Variants in HSPH1 observed in about 807,000 individuals in gnomAD.
The protein encoded by HSPH1 is heat shock protein family H (Hsp110) member 1.
Under a neutral mutation model 100.0 loss-of-function variants are expected in HSPH1, and 40 were observed. That is an observed-to-expected ratio of 0.40 (90% CI 0.31 to 0.52). The LOEUF (loss-of-function observed/expected upper bound fraction) is 0.52. HSPH1 is among the 20% of genes least tolerant of loss of function. The pLI, the probability that HSPH1 is intolerant of heterozygous loss-of-function variation, is 0.54. For missense variants in HSPH1, 876 were observed against 1,015.1 expected (o/e 0.86, Z 1.86); for synonymous variants, 403 against 344.0 (o/e 1.17, Z -1.90).
chr13:31,150,619 T>C (rs1181581807), intron 7 of HSPH1, among the ~76,000 whole-genome samples: 1 of 152,190 alleles, frequency 6.6e-6, no homozygotes, highest in Non-Finnish European at 1.5e-5. Flanking sequence ...TCCATTACTT[T>C]CAATGGTTAT....
chr13:31,141,514 T>C (rs141598963), intron 12 of HSPH1, among the ~76,000 whole-genome samples: 258 of 152,180 alleles, frequency 1.7e-3, no homozygotes, highest in Non-Finnish European at 2.7e-3. Context: ...CTGCTAAAGC[T>C]TTTCTTCGCA....
chr13:31,150,999 G>A lies in HSPH1; in HGVS notation c.856C>T (p.Leu286=), dbSNP rs748195237. The change falls in exon 7 of 18, where the codon CTG becomes TTG. Residue 286 remains leucine, a synonymous_variant. Transcript: ENST00000320027. ...TCATTCATAAAGCATTCGATATTCA[G>A]TGGAAGGTCTGTGCTGTTAGAGCTC... ...LMSSNSTDLP[L]NIECFMNDKD... is the part of the protein sequence containing the mutation. The A allele has an allele frequency of 1.9e-6, 3 of 1,613,602 alleles. No homozygotes were observed. The South Asian group carries it at 3.3e-5, about 18-fold the overall frequency.
intron 17 of HSPH1, among the ~76,000 whole-genome samples, chr13:31,137,784 T>G (rs1366590936): frequency 1.3e-5 from 2 of 152,158 alleles, no homozygotes; most frequent in Non-Finnish European, 1.5e-5. Context: ...AAGACAGAAA[T>G]TATAATCTCC....
chr13:31,139,709 T>C (rs1273012827), intron 14 of HSPH1, among the ~76,000 whole-genome samples: 1 of 152,074 alleles, frequency 6.6e-6, no homozygotes, highest in African/African-American at 2.4e-5. Context: ...CCAAGTCCTA[T>C]CTTTCACAGT....
intron 6 of HSPH1, chr13:31,151,393 A>T (rs1380215411): frequency 1.5e-6 from 1 of 680,154 alleles, no homozygotes; most frequent in Non-Finnish European, 2.4e-6. Context: ...AACTGTAAAA[A>T]GCCTTTTCTT....
At chr13:31,139,553 A>ATC (rs1291649482) in intron 14 of HSPH1, among the ~76,000 whole-genome samples, 1 of 152,108 alleles carries the variant, frequency 6.6e-6, no homozygotes, top group African/African-American at 2.4e-5. Context: ...TAAGAAACTC[A>ATC]GAGAATGTCA....
intron 1 of HSPH1, among the ~76,000 whole-genome samples, chr13:31,161,089 G>A (rs1956887123): frequency 6.6e-6 from 1 of 152,232 alleles, no homozygotes; most frequent in Non-Finnish European, 1.5e-5. Context: ...GAGGCCGGGT[G>A]GGGATACGGG....
chr13:31,160,680 T>G (rs1218905156), intron 1 of HSPH1, among the ~76,000 whole-genome samples: 4 of 152,222 alleles, frequency 2.6e-5, no homozygotes, highest in African/African-American at 9.6e-5. Flanking sequence ...CATCCTCTTT[T>G]GGCGTCCTAG....
At chr13:31,155,711 A>T in intron 2 of HSPH1, 57 bp from the exon 3 acceptor site, 1 of 1,398,690 alleles carries the variant, frequency 7.1e-7, no homozygotes, top group East Asian at 2.3e-5. Flanking sequence ...ACCTACCAGT[A>T]ATTTTAGTAA....
intron 1 of HSPH1, among the ~76,000 whole-genome samples, chr13:31,160,690 G>A (rs1292896935): frequency 6.6e-6 from 1 of 152,142 alleles, no homozygotes; most frequent in African/African-American, 2.4e-5. Context: ...TGGCGTCCTA[G>A]CACAAAAGTA....
chr13:31,155,714 T>C, intron 2 of HSPH1, 60 bp from the exon 3 acceptor site: 2 of 1,403,632 alleles, frequency 1.4e-6, no homozygotes, highest in South Asian at 2.6e-5. Flanking sequence ...TACCAGTAAT[T>C]TTAGTAATTT....
chr13:31,151,369 A>C, intron 6 of HSPH1, 178 bp from the exon 7 acceptor site: 1 of 701,400 alleles, frequency 1.4e-6, no homozygotes, highest in Non-Finnish European at 2.3e-6. Flanking sequence ...CTTTTAAATG[A>C]CTACATAGAA....
At chr13:31,152,738 T>A in intron 5 of HSPH1, 114 bp downstream of exon 5, 1 of 704,930 alleles carries the variant, frequency 1.4e-6, no homozygotes, top group Non-Finnish European at 2.4e-6. Flanking sequence ...TGTTTTCAAA[T>A]CTGACTTGAC....
At position 31,161,620 on chromosome 13, in the gene HSPH1, C is replaced by T. The variant is rs758217192; in HGVS notation, c.-38G>A. ...GTCCGCCTCCGCCTCGGGTCTCGGTCTGCGTCCTCCGGCCCCCTGCCTGCT... is the reference window on the plus strand; with the variant it reads ...GTCCGCCTCCGCCTCGGGTCTCGGTTTGCGTCCTCCGGCCCCCTGCCTGCT... On this transcript the variant is annotated 5_prime_UTR_variant, in exon 1 of 18. Transcript: ENST00000320027. The T allele has an allele frequency of 5.0e-6, 8 of 1,607,516 alleles. No individual in the cohort carries two copies. The Admixed American group carries it at 6.7e-5, about 13-fold the overall frequency.
intron 1 of HSPH1, among the ~76,000 whole-genome samples, chr13:31,161,055 T>A (rs1165503708): frequency 1.3e-5 from 2 of 152,126 alleles, no homozygotes; most frequent in Non-Finnish European, 2.9e-5. Flanking sequence ...GAGGACAAGC[T>A]GGAGGCGGCT....
chr13:31,156,315 A>G (rs1480981999), intron 2 of HSPH1, among the ~76,000 whole-genome samples: 3 of 152,102 alleles, frequency 2.0e-5, no homozygotes, highest in Non-Finnish European at 4.4e-5. Flanking sequence ...GCATGAACCC[A>G]GGAGGCGGAG....
At chr13:31,154,332 G>A (rs1189357123) in intron 4 of HSPH1, 3 of 412,372 alleles carry the variant, frequency 7.3e-6, no homozygotes, top group Non-Finnish European at 1.4e-5. Context: ...TGTGTTAAAT[G>A]TACAAGCCTG....
At chr13:31,137,832 C>T (rs1388050261) in intron 17 of HSPH1, among the ~76,000 whole-genome samples, 1 of 152,132 alleles carries the variant, frequency 6.6e-6, no homozygotes. Flanking sequence ...GGTTAAGTAA[C>T]TTCAAGATCA....
chr13:31,136,638 CCAT>C lies in HSPH1; in HGVS notation c.*677_*679del, dbSNP rs201665791. The C allele has an allele frequency of 7.0e-3, 1,073 of 152,628 alleles. 4 individuals carry two copies. The highest frequency in any genetic ancestry group is 0.014 in the Middle Eastern group (4 of 294). 9.5% of individuals were successfully genotyped at this position (152,628 alleles called of 1,614,324 possible). ...CAAAATCAACAGTTTAGAAATGACA[CCAT>C]AAGATGAACTTTATTTTAAAGCTCA... On this transcript the variant is annotated 3_prime_UTR_variant, in exon 18 of 18. Transcript: ENST00000320027.
Sources: allele counts gnomAD v4.1 joint callset (sites outside exome capture counted in the v4.1 genomes callset), GRCh38; gene constraint gnomAD v4.1.1; transcripts MANE v1.5; gene names NCBI Gene and HGNC (gene_info 2026-07-23, HGNC 2026-07-21).